Variants in HIPK1 observed in about 807,000 individuals in gnomAD.
The protein encoded by HIPK1 is homeodomain interacting protein kinase 1, also known as homeodomain-interacting protein kinase 1.
HIPK1 carries 28 observed loss-of-function variants against 117.1 expected under a neutral mutation model. The ratio of observed to expected loss-of-function variants is 0.24; its 90% CI spans 0.18 to 0.33. The LOEUF (loss-of-function observed/expected upper bound fraction) is 0.33. Among genes scored for constraint, HIPK1 ranks in the 10% least tolerant of loss-of-function variants. HIPK1 has a pLI of 1.00. For synonymous variants in HIPK1, 605 were observed against 562.5 expected (o/e 1.08, Z -1.07); for missense variants, 1,122 against 1,475.1 (o/e 0.76, Z 3.92).
intron 1 of HIPK1, among the ~76,000 whole-genome samples, chr1:113,939,334 T>TG (rs1214985447): frequency 8.2e-4 from 110 of 133,664 alleles, no homozygotes; most frequent in East Asian, 2.1e-3. Flanking sequence ...TCTGTTTTTT[T>TG]TTTTTTTTGT....
intron 11 of HIPK1, 52 bp from the exon 12 acceptor site, chr1:113,967,714 G>C: frequency 1.5e-6 from 2 of 1,332,770 alleles, no homozygotes; most frequent in South Asian, 1.7e-5. Flanking sequence ...GTTTGGTCCT[G>C]ATTCTTCAGT....
Position 113,968,514 on chromosome 1 carries a change from T to A in HIPK1, c.2637T>A (p.Ser879=), listed in dbSNP as rs1672608811. 2 of 1,613,996 alleles carry A rather than the reference T, an allele frequency of 1.2e-6. No homozygotes were observed. The highest frequency in any genetic ancestry group is 1.3e-5 in the African/African-American group (1 of 74,926). ...GCAGTCCCCTCCGCACCACATCTTCTTATAATTCCTTGGTCCCTGTCCAAG... is the reference window on the plus strand; with the variant it reads ...GCAGTCCCCTCCGCACCACATCTTCATATAATTCCTTGGTCCCTGTCCAAG... ...VGSSPLRTTS[S]YNSLVPVQDQ... is the part of the protein sequence containing the mutation. The change falls in exon 13 of 16, where the codon TCT becomes TCA. Residue 879 remains serine, a synonymous_variant. Coordinates refer to ENST00000426820, the MANE Select transcript of HIPK1 (RefSeq NM_198268.3).
At chr1:113,933,537 G>T (rs1303641610) in intron 1 of HIPK1, among the ~76,000 whole-genome samples, 2 of 151,974 alleles carry the variant, frequency 1.3e-5, no homozygotes, top group Admixed American at 6.6e-5. Context: ...AAAAGCTTCA[G>T]TTGAGAGGTG....
In HIPK1 at chr1:113,969,853, G is replaced by T; in HGVS notation, c.2772-103G>T. On this transcript the variant is annotated intron_variant, in intron 13 of 15. Transcript: ENST00000426820. ...GCCCAGGAGGTTGAGGTCGCAGCGAGCTGTGATCACTCCACTGCACTCCAG... is the reference window on the plus strand; with the variant it reads ...GCCCAGGAGGTTGAGGTCGCAGCGATCTGTGATCACTCCACTGCACTCCAG... 4.6e-6 allele frequency: 6 copies of T among 1,297,846 alleles called. No homozygotes were observed. In the Admixed American group the frequency reaches 1.0e-4, roughly 23 times the overall value. The allele number at this position is 1,297,846 out of a possible 1,614,324, so 80.4% of individuals were successfully genotyped here.
intron 13 of HIPK1, among the ~76,000 whole-genome samples, chr1:113,969,341 CTG>C (rs1672671078): frequency 1.3e-5 from 2 of 152,262 alleles, no homozygotes; most frequent in African/African-American, 4.8e-5. Flanking sequence ...GGTCTGAATC[CTG>C]TCTTCACCAC....
At chr1:113,969,862 A>C (rs370192043) in intron 13 of HIPK1, 94 bp from the exon 14 acceptor site, 2 of 1,382,716 alleles carry the variant, frequency 1.4e-6, no homozygotes, top group Non-Finnish European at 1.0e-6. Flanking sequence ...AGCTGTGATC[A>C]CTCCACTGCA....
At chr1:113,932,768 G>A (rs898601167) in intron 1 of HIPK1, among the ~76,000 whole-genome samples, 1 of 152,030 alleles carries the variant, frequency 6.6e-6, no homozygotes, top group Non-Finnish European at 1.5e-5. Context: ...TTTTTTGCTA[G>A]TGTCTTCTGC....
chr1:113,934,790 A>AG, intron 1 of HIPK1, among the ~76,000 whole-genome samples: 1 of 148,278 alleles, frequency 6.7e-6, no homozygotes, highest in African/African-American at 2.5e-5. Flanking sequence ...CTCTGAAAAA[A>AG]AAAAAAAAAA....
intron 2 of HIPK1, among the ~76,000 whole-genome samples, chr1:113,950,029 T>G (rs892984443): frequency 6.6e-6 from 1 of 152,194 alleles, no homozygotes; most frequent in African/African-American, 2.4e-5. Context: ...CTATTTGTAT[T>G]TAAGGATCAG....
At chr1:113,967,702 CTGTT>C in intron 11 of HIPK1, 60 bp from the exon 12 acceptor site, 1 of 1,187,490 alleles carries the variant, frequency 8.4e-7, no homozygotes, top group South Asian at 2.1e-5. Context: ...CTTTTGATGT[CTGTT>C]TGGTCCTGAT....
rs1021268375 is a variant in HIPK1 at position 113,951,257 on chromosome 1, T to C, written c.1077-1509T>C. The stretch of plus-strand genomic sequence containing the variant: ...AGTCATAGTTTGACAATTGCCCTTG[T>C]ATTCCACCATGTCAAATATAAATTT... On this transcript the variant is annotated intron_variant, in intron 2 of 15. Transcript: ENST00000426820. The C allele has an allele frequency of 1.9e-5, 19 of 984,872 alleles. No individual in the cohort carries two copies. In the African/African-American group the frequency reaches 3.1e-4, roughly 16 times the overall value. The allele number at this position is 984,872 out of a possible 1,614,324, so 61.0% of individuals were successfully genotyped here. A position where few individuals can be genotyped will look rare whatever the true frequency, so the allele number is the denominator to read the frequency against.
Position 113,971,802 on chromosome 1 carries a change from ATTAAGCCTGGTGCT to A in HIPK1, c.3014-19_3014-6del. 5 of 1,589,374 alleles carry A rather than the reference ATTAAGCCTGGTGCT, an allele frequency of 3.1e-6. No homozygotes were observed. The highest frequency in any genetic ancestry group is 4.3e-6 in the Non-Finnish European group (5 of 1,172,492). ...AGCTCAGTGATGTCTACTCATAACT[ATTAAGCCTGGTGCT>A]TTTTTAGGTCTCCTGAGCAATAAGA... On this transcript the variant is annotated splice_polypyrimidine_tract_variant and splice_region_variant and intron_variant, in intron 14 of 15. Coordinates refer to ENST00000426820, the MANE Select transcript of HIPK1 (RefSeq NM_198268.3).
chr1:113,931,701 C>G (rs529221353), intron 1 of HIPK1, among the ~76,000 whole-genome samples: 4 of 152,266 alleles, frequency 2.6e-5, no homozygotes, highest in African/African-American at 9.6e-5. Context: ...TTCTTTCATT[C>G]TGTGCTTTTG....
At chr1:113,936,471 CT>C (rs999780142) in intron 1 of HIPK1, among the ~76,000 whole-genome samples, 78 of 145,796 alleles carry the variant, frequency 5.3e-4, no homozygotes, top group Middle Eastern at 3.5e-3. Context: ...GTTACGAATC[CT>C]TTTTTTTTTT....
rs201573963 is a variant in HIPK1, at chr1:113,973,006, C to T, written c.3145-18C>T. The T allele has an allele frequency of 2.0e-4, 308 of 1,512,998 alleles. No individual in the cohort carries two copies. Among genetic ancestry groups the T allele is most frequent in the Non-Finnish European group, 2.4e-4 (277 of 1,130,998 alleles). The allele number at this position is 1,512,998 out of a possible 1,614,324, so 93.7% of individuals were successfully genotyped here. The stretch of plus-strand genomic sequence containing the variant: ...GGAGTGACCTCAGGATTCCTCACTT[C>T]TTCCTTCTTTCTTCCAGAACCAGCA... On this transcript the variant is annotated intron_variant, in intron 15 of 15. Transcript: ENST00000426820.
rs981071096 is a variant in HIPK1, at chr1:113,929,509, C to T, written c.-26C>T. 7.8e-6 allele frequency: 10 copies of T among 1,288,964 alleles called. No homozygotes were observed. The highest frequency in any genetic ancestry group is 2.2e-4 in the Middle Eastern group (1 of 4,610). The allele number at this position is 1,288,964 out of a possible 1,614,324, so 79.8% of individuals were successfully genotyped here. On this transcript the variant is annotated 5_prime_UTR_variant, in exon 1 of 16. Coordinates refer to ENST00000426820, the MANE Select transcript of HIPK1 (RefSeq NM_198268.3). ...GTACTATGCGATCGTCCTAGAGAGT[C>T]CATTCAGCTGCACTTCCGCCTCAGT...
chr1:113,969,860 TCACTC>T lies in HIPK1; in HGVS notation c.2772-91_2772-87del, dbSNP rs1672702999. 13 of 1,361,996 alleles carry T rather than the reference TCACTC, an allele frequency of 9.5e-6. No individual in the cohort carries two copies. The South Asian group carries it at 1.6e-4, about 17-fold the overall frequency. The allele number at this position is 1,361,996 out of a possible 1,614,324, so 84.4% of individuals were successfully genotyped here. A position where few individuals can be genotyped will look rare whatever the true frequency, so the allele number is the denominator to read the frequency against. ...AGGTTGAGGTCGCAGCGAGCTGTGA[TCACTC>T]CACTGCACTCCAGCCTGGGTGACAG... On this transcript the variant is annotated intron_variant, in intron 13 of 15. Transcript: ENST00000426820.
At position 113,955,234 on chromosome 1, in the gene HIPK1, G is replaced by A. The variant is rs78211350; in HGVS notation, c.1321-329G>A. Among the ~76,000 whole-genome samples, 836 of 152,310 alleles carry A rather than the reference G, an allele frequency of 5.5e-3. 8 individuals are homozygous for A. The highest frequency in any genetic ancestry group is 0.018 in the African/African-American group (766 of 41,576). On this transcript the variant is annotated intron_variant, in intron 4 of 15. Transcript: ENST00000426820. The stretch of plus-strand genomic sequence containing the variant: ...AATTTGACTAACCCTGTGACTGTGT[G>A]TCTGAGTCTGTTGAACAGTTAGCAT...
intron 2 of HIPK1, among the ~76,000 whole-genome samples, chr1:113,949,385 A>C (rs2101255952): frequency 6.6e-6 from 1 of 152,194 alleles, no homozygotes; most frequent in South Asian, 2.1e-4. Context: ...GCTCACTAGG[A>C]GTAGAAAATT....
Sources: allele counts gnomAD v4.1 joint callset (sites outside exome capture counted in the v4.1 genomes callset), GRCh38; gene constraint gnomAD v4.1.1; transcripts MANE v1.5; gene names NCBI Gene and HGNC (gene_info 2026-07-23, HGNC 2026-07-21).